Variants in ABCD4 observed in about 807,000 individuals in gnomAD.
ABCD4 encodes the protein lysosomal cobalamin transporter ABCD4.
Under a neutral mutation model 86.3 loss-of-function variants are expected in ABCD4, and 53 were observed. The ratio of observed to expected loss-of-function variants is 0.61; its 90% CI spans 0.49 to 0.77. The LOEUF is 0.77. ABCD4 is among the 30% of genes least tolerant of loss of function. The probability of loss-of-function intolerance (pLI) is 0.00; values close to 1 mark genes in which losing one functional copy is unlikely to be tolerated. For synonymous variants in ABCD4, 328 were observed against 313.6 expected (o/e 1.05, Z -0.49); for missense variants, 757 against 764.5 (o/e 0.99, Z 0.12).
chr14:74,296,243 G>A, intron 5 of ABCD4, 90 bp downstream of exon 5: 1 of 1,346,398 alleles, frequency 7.4e-7, no homozygotes, highest in Non-Finnish European at 1.1e-6. Context: ...TGGGAGAGAG[G>A]GGAAATAAGC....
intron 1 of ABCD4, among the ~76,000 whole-genome samples, chr14:74,300,484 C>T (rs1212732907): frequency 1.3e-5 from 2 of 150,492 alleles, no homozygotes; most frequent in Admixed American, 6.7e-5. Context: ...CCCAGCTACT[C>T]GGGAGGCTGA....
intron 1 of ABCD4, among the ~76,000 whole-genome samples, chr14:74,301,252 C>T (rs775586556): frequency 2.6e-5 from 4 of 151,934 alleles, no homozygotes; most frequent in East Asian, 1.9e-4. Flanking sequence ...CTCTGCCTCC[C>T]GGGTTCAAGC....
chr14:74,302,823 C>T, intron 1 of ABCD4, 52 bp downstream of exon 1: 1 of 1,582,544 alleles, frequency 6.3e-7, no homozygotes, highest in Non-Finnish European at 8.6e-7. Context: ...AGCCCATTCC[C>T]TACAGCCCGG....
At chr14:74,288,604 C>G in intron 15 of ABCD4, 112 bp downstream of exon 15, 1 of 1,266,804 alleles carries the variant, frequency 7.9e-7, no homozygotes, top group South Asian at 1.3e-5. Flanking sequence ...ATTCTCCACC[C>G]CAGGTTCAGA....
rs1469830878 is a variant in ABCD4 at position 74,288,826 on chromosome 14, G to T, written c.1457-61C>A. 8.2e-6 allele frequency: 13 copies of T among 1,588,998 alleles called. No individual in the cohort carries two copies. The South Asian group carries it at 1.4e-4, about 17-fold the overall frequency. Reference sequence around the variant, plus strand: ...GCCTCCTGGCTGGTCAAAATAGACAGGGCAAGGCTGTGCACAGTGGCTCAC... The same window carrying T: ...GCCTCCTGGCTGGTCAAAATAGACATGGCAAGGCTGTGCACAGTGGCTCAC... On this transcript the variant is annotated intron_variant, in intron 14 of 18. Coordinates refer to ENST00000356924, the MANE Select transcript of ABCD4 (RefSeq NM_005050.4).
chr14:74,291,702 G>C (rs1046351195), intron 11 of ABCD4, among the ~76,000 whole-genome samples: 1 of 152,138 alleles, frequency 6.6e-6, no homozygotes, highest in Non-Finnish European at 1.5e-5. Flanking sequence ...GTAGGCCCTG[G>C]AATTCAGACT....
At chr14:74,296,085 C>A (rs2082775648) in intron 5 of ABCD4, 106 bp from the exon 6 acceptor site, 3 of 1,460,204 alleles carry the variant, frequency 2.1e-6, no homozygotes, top group East Asian at 2.3e-5. Context: ...CCTGTCCAAT[C>A]TGAGTGGCCC....
chr14:74,290,097 T>C lies in ABCD4; in HGVS notation c.1349A>G (p.Asp450Gly), dbSNP rs375768769. The change falls in exon 13 of 19, where the codon GAC (aspartate) becomes GGC (glycine). Residue 450 changes from aspartate to glycine, a missense_variant. By Grantham distance (94) the Asp-to-Gly change is moderately conservative. Coordinates refer to ENST00000356924, the MANE Select transcript of ABCD4 (RefSeq NM_005050.4). ...GAATAGCACCCCATGGGGCCCAAAG[T>C]CCGTCAGCATCTGCACTGAGCCTGC... ...STRGSVQMLT[D>G]FGPHGVLFLP... The C allele has an allele frequency of 1.9e-5, 30 of 1,613,856 alleles. No individual in the cohort carries two copies. The highest frequency in any genetic ancestry group is 2.5e-5 in the Non-Finnish European group (29 of 1,180,012).
chr14:74,289,217 G>A, intron 14 of ABCD4: 1 of 1,313,002 alleles, frequency 7.6e-7, no homozygotes, highest in Non-Finnish European at 9.7e-7. Flanking sequence ...ACCACAGGTT[G>A]CAGATCTTCA....
At position 74,285,346 on chromosome 14, in the gene ABCD4, T is replaced by G. The variant is rs1478766645; in HGVS notation, c.*1115A>C. The G allele has an allele frequency of 6.6e-6, 1 of 152,194 alleles. No homozygotes were observed. Among genetic ancestry groups the G allele is most frequent in the Non-Finnish European group, 1.5e-5 (1 of 68,034 alleles). 9.4% of individuals were successfully genotyped at this position (152,194 alleles called of 1,614,324 possible). On this transcript the variant is annotated 3_prime_UTR_variant, in exon 19 of 19. Coordinates refer to ENST00000356924, the MANE Select transcript of ABCD4 (RefSeq NM_005050.4). The stretch of plus-strand genomic sequence containing the variant: ...CAGTCCGTCTAACTCCTCACCTCTC[T>G]TTTTTACAAAATGAACAAGCCTCAG...
intron 9 of ABCD4, 52 bp from the exon 10 acceptor site, chr14:74,292,694 C>A (rs1192984300): frequency 6.2e-7 from 1 of 1,613,838 alleles, no homozygotes; most frequent in African/African-American, 1.3e-5. Context: ...CCCACAGACA[C>A]TGGGCCAAGG....
At chr14:74,296,226 G>T in intron 5 of ABCD4, 107 bp downstream of exon 5, 6 of 1,238,368 alleles carry the variant, frequency 4.8e-6, no homozygotes, top group African/African-American at 1.5e-5. Context: ...CACGTGGTAA[G>T]GTACGGTGGG....
intron 14 of ABCD4, chr14:74,289,280 T>A (rs1443218416): frequency 2.9e-6 from 4 of 1,381,244 alleles, no homozygotes; most frequent in Non-Finnish European, 3.7e-6. Flanking sequence ...CCAGTGGGCA[T>A]CTCTCCTTAA....
At chr14:74,298,480 A>G (rs534965687) in intron 3 of ABCD4, among the ~76,000 whole-genome samples, 5 of 152,260 alleles carry the variant, frequency 3.3e-5, no homozygotes, top group African/African-American at 1.2e-4. Flanking sequence ...CATCTTGGTC[A>G]GGCTGGTCTG....
intron 14 of ABCD4, 25 bp downstream of exon 14, chr14:74,289,458 C>T: frequency 1.2e-6 from 2 of 1,613,496 alleles, no homozygotes; most frequent in Admixed American, 1.7e-5. Flanking sequence ...AAGGAGAGGA[C>T]ATGACCTAAG....
In ABCD4 at chr14:74,297,991, G is replaced by A. The variant is rs141808601; in HGVS notation, c.364C>T (p.Leu122Phe). Residue 122 changes from leucine (L) to phenylalanine (F), a missense_variant, in exon 4 of 19, where the codon CTC becomes TTC. Leu to Phe is a conservative substitution (Grantham distance 22). Coordinates refer to ENST00000356924, the MANE Select transcript of ABCD4 (RefSeq NM_005050.4). ...TAGTACGCACGGCCCCGGAAGTAGA[G>A]GCGGTGAAGGTGCTCAGTGAGGTCC... Reference protein sequence around the residue: ...RKDLTEHLHRLYFRGRAYYTL... With the variant: ...RKDLTEHLHRFYFRGRAYYTL... The A allele has an allele frequency of 1.1e-5, 18 of 1,613,918 alleles. No individual in the cohort carries two copies. The African/African-American group carries it at 1.5e-4, about 13-fold the overall frequency.
chr14:74,288,786 C>T (rs1339567464), intron 14 of ABCD4, 21 bp from the exon 15 acceptor site: 1 of 1,612,194 alleles, frequency 6.2e-7, no homozygotes, highest in Non-Finnish European at 8.5e-7. Context: ...AAGAAGCCTT[C>T]TGCAAAAAGC....
intron 4 of ABCD4, chr14:74,296,875 CTG>C (rs2083003827): frequency 6.4e-6 from 1 of 156,690 alleles, no homozygotes; most frequent in Admixed American, 6.3e-5. Flanking sequence ...AAGCTCCAGG[CTG>C]TGAGGCACAC....
At chr14:74,295,222 G>A (rs367803289) in intron 6 of ABCD4, 24 bp from the exon 7 acceptor site, 2 of 1,613,972 alleles carry the variant, frequency 1.2e-6, no homozygotes, top group Non-Finnish European at 1.7e-6. Context: ...AGGGAAATGT[G>A]TGCTGACAAC....
Sources: gnomAD v4.1 joint callset for allele counts (sites outside exome capture counted in the v4.1 genomes callset) on GRCh38, gnomAD v4.1.1 for gene constraint, MANE v1.5 for transcripts, NCBI Gene and HGNC (gene_info 2026-07-23, HGNC 2026-07-21) for gene names.